DST: variants seen among roughly 807,000 people sequenced by gnomAD.
DST encodes dystonin.
Under a neutral mutation model 875.2 loss-of-function variants are expected in DST, and 253 were observed. The observed-to-expected ratio is 0.29, with a 90% CI of 0.26 to 0.32. The LOEUF is 0.32. Ranked by LOEUF, DST falls within the 10% of genes least tolerant of loss-of-function variation. DST has a pLI of 1.00. For synonymous variants in DST, 3,124 were observed against 3,197.1 expected, an observed-to-expected ratio of 0.98 and a Z score of 0.77; for missense variants, 8,287 against 9,111.6, an observed-to-expected ratio of 0.91 and a Z score of 3.68.
At chr6:56,817,935 T>G (rs969582198) in intron 4 of DST, among the ~76,000 whole-genome samples, 4 of 152,098 alleles carry the variant, frequency 2.6e-5, no homozygotes, top group Non-Finnish European at 4.4e-5. Context: ...GTGGACTCAA[T>G]GTAATCAAAA....
chr6:56,673,092 TA>T (rs571182731), intron 9 of DST, among the ~76,000 whole-genome samples: 65 of 149,110 alleles, frequency 4.4e-4, no homozygotes, highest in Admixed American at 4.0e-3. Context: ...CTGTCTCTAT[TA>T]AAAAAAAAAT....
chr6:56,835,546 T>C (rs536044156), intron 4 of DST, among the ~76,000 whole-genome samples: 1 of 152,334 alleles, frequency 6.6e-6, no homozygotes, highest in South Asian at 2.1e-4. Context: ...AAAAGACTAC[T>C]GGTGTAGGAA....
chr6:56,712,697 T>C (rs1296068217), intron 5 of DST, among the ~76,000 whole-genome samples: 1 of 152,226 alleles, frequency 6.6e-6, no homozygotes, highest in Non-Finnish European at 1.5e-5. Flanking sequence ...GAGATTCCAC[T>C]ATATTTTTAA....
intron 97 of DST, 27 bp downstream of exon 97, chr6:56,469,856 A>G: frequency 6.4e-7 from 1 of 1,572,376 alleles, no homozygotes; most frequent in Non-Finnish European, 8.8e-7. Flanking sequence ...CCTTTAAAGG[A>G]ACTACAACAT....
intron 27 of DST, 65 bp downstream of exon 27, chr6:56,634,067 C>T (rs1017295954): frequency 6.3e-6 from 10 of 1,584,032 alleles, no homozygotes; most frequent in East Asian, 2.2e-5. Context: ...ACAAACTCTA[C>T]GACACATATG....
chr6:56,870,193 G>A (rs550963315), intron 3 of DST, among the ~76,000 whole-genome samples: 15 of 152,044 alleles, frequency 9.9e-5, no homozygotes, highest in African/African-American at 3.6e-4. Context: ...CTTTAAACAC[G>A]GGGCTTGCAA....
intron 36 of DST, chr6:56,616,071 A>G (rs778630718): frequency 6.2e-7 from 1 of 1,614,174 alleles, no homozygotes; most frequent in Non-Finnish European, 8.5e-7. Flanking sequence ...TTTCTACGGG[A>G]GGCTTTTAGT....
chr6:56,600,125 C>T lies in DST; in HGVS notation c.11638G>A (p.Ala3880Thr), dbSNP rs2098432080. Reference sequence around the variant, plus strand: ...ACTGTGCCATCTCCAATCATGAAGGCTTCTTGGTGACCAATTAGGCGGTTT... The same window carrying T: ...ACTGTGCCATCTCCAATCATGAAGGTTTCTTGGTGACCAATTAGGCGGTTT... ...TENRLIGHQE[A>T]FMIGDGTVEL... The change falls in exon 45 of 104, where the codon GCC becomes ACC. Residue 3880 changes from alanine (A) to threonine (T), a missense_variant. Ala to Thr is a moderately conservative substitution (Grantham distance 58). Around this residue, in one of 10 missense-constraint regions of DST, gnomAD observed 3,138 missense variants for 3,116.6 expected, o/e 1.01. Coordinates refer to ENST00000680361, the MANE Select transcript of DST (RefSeq NM_001374736.1). 9 of 1,613,138 alleles carry T rather than the reference C, an allele frequency of 5.6e-6. No homozygotes were observed. Among genetic ancestry groups the T allele is most frequent in the Non-Finnish European group, 7.6e-6 (9 of 1,179,280 alleles).
intron 4 of DST, among the ~76,000 whole-genome samples, chr6:56,745,081 G>A (rs552139353): frequency 2.1e-4 from 32 of 152,002 alleles, no homozygotes; most frequent in Non-Finnish European, 3.1e-4. Context: ...CCAGCCACTC[G>A]CCCCTCCACC....
rs1426119405 is a variant in DST at position 56,851,516 on chromosome 6, G to A, written c.506C>T (p.Ala169Val). The A allele has an allele frequency of 6.2e-7, 1 of 1,614,040 alleles. No individual in the cohort carries two copies. The highest frequency in any genetic ancestry group is 8.5e-7 in the Non-Finnish European group (1 of 1,179,900). ...TAAGGTGTCTCCCGGAGCTGGGGAT[G>A]CGGAGCCAGATTTCTGGCTGAAATC... ...EDDFSQKSGS[A>V]SPAPGDTLPW... The change falls in exon 4 of 104, where the codon GCA (alanine) becomes GTA (valine). Residue 169 changes from alanine to valine, a missense_variant. By Grantham distance (64) the Ala-to-Val change is moderately conservative (BLOSUM62 0). Transcript: ENST00000680361.
At chr6:56,546,494 A>C (rs2097230681) in intron 61 of DST, among the ~76,000 whole-genome samples, 1 of 149,150 alleles carries the variant, frequency 6.7e-6, no homozygotes, top group Non-Finnish European at 1.5e-5. Context: ...AAAACAAACA[A>C]AATCTGGAAA....
At chr6:56,721,308 C>A (rs1235828181) in intron 5 of DST, among the ~76,000 whole-genome samples, 1 of 152,214 alleles carries the variant, frequency 6.6e-6, no homozygotes, top group Non-Finnish European at 1.5e-5. Flanking sequence ...GTGCAGTTAA[C>A]GCAATTATCA....
chr6:56,596,273 C>T (rs1370102419), intron 47 of DST, among the ~76,000 whole-genome samples: 1 of 151,934 alleles, frequency 6.6e-6, no homozygotes, highest in Admixed American at 6.6e-5. Context: ...GTGATCCACC[C>T]GCCTCAGCCT....
rs1407474734 is a variant in DST, at chr6:56,458,310, G to A, written c.*695C>T. ...TGCTCTGATACAAAATGAGTTCAAT[G>A]ATACAGGTGCTACTGTCCACTCAAG... On this transcript the variant is annotated 3_prime_UTR_variant, in exon 104 of 104. Coordinates refer to ENST00000680361, the MANE Select transcript of DST (RefSeq NM_001374736.1). The A allele has an allele frequency of 2.6e-5, 4 of 152,590 alleles. No homozygotes were observed. The highest frequency in any genetic ancestry group is 2.1e-4 in the South Asian group (1 of 4,830). The allele number at this position is 152,590 out of a possible 1,614,324, so 9.5% of individuals were successfully genotyped here.
chr6:56,631,459 GA>G (rs2098779315), intron 29 of DST, 70 bp from the exon 30 acceptor site: 1 of 1,249,018 alleles, frequency 8.0e-7, no homozygotes, highest in African/African-American at 1.5e-5. Context: ...TAAACTAGTT[GA>G]AAAACACACA....
In DST at chr6:56,636,501, G is replaced by A. The variant is rs2152770132; in HGVS notation, c.3060+56C>T. ...ACAATAAATTATGAAAAAGATTCCT[G>A]CAAGTTAGCCAAAATCACAATACCA... On this transcript the variant is annotated intron_variant, in intron 23 of 103. Coordinates refer to ENST00000680361, the MANE Select transcript of DST (RefSeq NM_001374736.1). The A allele has an allele frequency of 2.1e-6, 3 of 1,422,264 alleles. 1 individual carries two copies. The highest frequency in any genetic ancestry group is 3.0e-6 in the Non-Finnish European group (3 of 1,013,752). 88.1% of individuals were successfully genotyped at this position (1,422,264 alleles called of 1,614,324 possible). A position where few individuals can be genotyped will look rare whatever the true frequency, so the allele number is the denominator to read the frequency against.
chr6:56,477,662 G>C (rs991428323), intron 90 of DST, among the ~76,000 whole-genome samples, 174 bp from the exon 91 acceptor site: 3 of 152,162 alleles, frequency 2.0e-5, no homozygotes. Context: ...AGAAAACAAA[G>C]TACTTTCTAA....
chr6:56,879,585 C>A (rs1025650614), intron 3 of DST, among the ~76,000 whole-genome samples: 1 of 152,146 alleles, frequency 6.6e-6, no homozygotes, highest in Non-Finnish European at 1.5e-5. Context: ...TTATACCTTT[C>A]TTACAGAATT....
chr6:56,681,250 C>T (rs770198889), intron 9 of DST, among the ~76,000 whole-genome samples: 9 of 152,128 alleles, frequency 5.9e-5, no homozygotes, highest in Admixed American at 2.6e-4. Flanking sequence ...ATCCTTGATG[C>T]GTTTTCAACC....
Sources: allele counts gnomAD v4.1 joint callset (sites outside exome capture counted in the v4.1 genomes callset), GRCh38; gene constraint gnomAD v4.1.1; regional missense constraint gnomAD v4.1.1; transcripts MANE v1.5; gene names NCBI Gene and HGNC (gene_info 2026-07-23, HGNC 2026-07-21).